The following DNAH5 variants were observed in gnomAD, a reference collection of about 807,000 sequenced individuals.
DNAH5 encodes the protein axonemal beta dynein heavy chain 5.
DNAH5 carries 372 observed loss-of-function variants against 518.2 expected under a neutral mutation model. The observed-to-expected ratio is 0.72, with a 90% CI of 0.66 to 0.78. DNAH5 has a LOEUF of 0.78. Among genes scored for constraint, DNAH5 ranks in the 30% least tolerant of loss-of-function variants. DNAH5 has a pLI of 0.00. For synonymous variants in DNAH5, 2,039 were observed against 2,025.9 expected, an observed-to-expected ratio of 1.01 and a Z score of -0.17; for missense variants, 5,523 against 5,687.0, an observed-to-expected ratio of 0.97 and a Z score of 0.93.
Position 13,811,905 on chromosome 5 carries a change from G to C in DNAH5, c.7231-82C>G, listed in dbSNP as rs758362893. ...TCATTTGGGGACAAAAATTTTAAAA[G>C]TATCTGTTAATAATGATAATATCTA... On this transcript the variant is annotated intron_variant, in intron 43 of 78. Transcript: ENST00000265104. The C allele has an allele frequency of 2.2e-4, 278 of 1,242,762 alleles. 1 individual carries two copies. Among genetic ancestry groups the C allele is most frequent in the South Asian group, 1.0e-3 (81 of 81,150 alleles). 77.0% of individuals were successfully genotyped at this position (1,242,762 alleles called of 1,614,324 possible). A position where few individuals can be genotyped will look rare whatever the true frequency, so the allele number is the denominator to read the frequency against.
Position 13,886,137 on chromosome 5 carries a change from A to AAAC in DNAH5, c.2578-9_2578-8insGTT. 7.6e-6 allele frequency: 1 copy of AAAC among 130,924 alleles called. No individual in the cohort carries two copies. Among genetic ancestry groups the AAAC allele is most frequent in the Admixed American group, 1.5e-4 (1 of 6,466 alleles). 8.1% of individuals were successfully genotyped at this position (130,924 alleles called of 1,614,324 possible). A position where few individuals can be genotyped will look rare whatever the true frequency, so the allele number is the denominator to read the frequency against. On this transcript the variant is annotated splice_polypyrimidine_tract_variant and intron_variant, in intron 17 of 78. Transcript: ENST00000265104. ...ACCATTTACACAAAGATCCTAACCA[A>AAAC]AAAAAAAAAAAAAAAAAGATAGCAC... is the stretch of plus-strand genomic sequence containing the variant.
Position 13,871,718 on chromosome 5 carries a change from C to T in DNAH5, c.3444G>A (p.Trp1148Ter), listed in dbSNP as rs771350745. The change falls in exon 23 of 79, where the codon TGG becomes TGA. Residue 1148 changes from tryptophan to a stop codon, truncating the protein, a stop_gained. Transcript: ENST00000265104. LOFTEE classifies it high-confidence loss of function. ...MDCFKRYNHI[W>*]QKGKEEAIKT... ...TAATGGCTTCTTCTTTTCCCTTTTG[C>T]CAAATGTGATTGTAGCGTTTGAAGC... The T allele has an allele frequency of 1.9e-6, 3 of 1,613,444 alleles. No homozygotes were observed. Among genetic ancestry groups the T allele is most frequent in the Non-Finnish European group, 2.5e-6 (3 of 1,179,744 alleles).
intron 68 of DNAH5, among the ~76,000 whole-genome samples, chr5:13,731,087 T>C (rs1393716305): frequency 6.6e-6 from 1 of 152,202 alleles, no homozygotes; most frequent in Non-Finnish European, 1.5e-5. Context: ...TATAAACAAA[T>C]GACAATACTC....
chr5:13,723,050 C>T (rs1343563100), intron 70 of DNAH5, among the ~76,000 whole-genome samples: 1 of 152,152 alleles, frequency 6.6e-6, no homozygotes, highest in East Asian at 1.9e-4. Context: ...TCTATTAGTT[C>T]AGTGCCTGGG....
intron 22 of DNAH5, 108 bp downstream of exon 22, chr5:13,876,576 A>T: frequency 7.6e-7 from 1 of 1,312,804 alleles, no homozygotes; most frequent in Non-Finnish European, 1.1e-6. Context: ...CCCTGAAAGC[A>T]CAGTGTGTGA....
intron 1 of DNAH5, among the ~76,000 whole-genome samples, chr5:13,943,191 A>G (rs535576460): frequency 1.8e-4 from 28 of 152,366 alleles, no homozygotes; most frequent in African/African-American, 5.8e-4. Context: ...AAATGTTCAG[A>G]CATGTGAAAT....
intron 19 of DNAH5, 102 bp downstream of exon 19, chr5:13,884,887 C>T (rs1318730726): frequency 5.4e-6 from 8 of 1,478,698 alleles, no homozygotes; most frequent in Non-Finnish European, 7.3e-6. Context: ...TTAAATTTAA[C>T]AGGAATGTAC....
rs774003266 is a variant in DNAH5, at chr5:13,863,484, C to CT, written c.4597-738dup. 3.4e-4 allele frequency among the ~76,000 whole-genome samples: 51 copies of CT among 152,114 alleles called. No individual in the cohort carries two copies. The Middle Eastern group carries it at 0.014, about 41-fold the overall frequency. ...TGTTCCCCATCTCTGTGGTCAGCACCTTCATCCACTTAGGTCTCTCAGCAA... is the reference window on the plus strand; with the variant it reads ...TGTTCCCCATCTCTGTGGTCAGCACCTTTCATCCACTTAGGTCTCTCAGCAA... On this transcript the variant is annotated intron_variant, in intron 28 of 78. Coordinates refer to ENST00000265104, the MANE Select transcript of DNAH5 (RefSeq NM_001369.3).
chr5:13,980,474 C>T (rs1469739792), intron 1 of DNAH5, among the ~76,000 whole-genome samples: 3 of 152,140 alleles, frequency 2.0e-5, no homozygotes, highest in African/African-American at 7.2e-5. Context: ...ACTCCTCTCT[C>T]GGTCTTCCCC....
chr5:13,985,170 T>C (rs1782950123), intron 1 of DNAH5, among the ~76,000 whole-genome samples: 1 of 150,224 alleles, frequency 6.7e-6, no homozygotes, highest in Admixed American at 6.7e-5. Flanking sequence ...CAGCAAACTA[T>C]CGCAAGGACA....
chr5:13,705,664 A>C (rs1742689723), intron 76 of DNAH5, among the ~76,000 whole-genome samples: 1 of 152,182 alleles, frequency 6.6e-6, no homozygotes, highest in African/African-American at 2.4e-5. Flanking sequence ...TAACAACGTG[A>C]TCTTATGCGG....
At chr5:13,997,091 C>T (rs1006095794) in intron 1 of DNAH5, among the ~76,000 whole-genome samples, 1 of 152,216 alleles carries the variant, frequency 6.6e-6, no homozygotes, top group Non-Finnish European at 1.5e-5. Flanking sequence ...CCAAGCTTTA[C>T]CACTTTTTCT....
intron 31 of DNAH5, among the ~76,000 whole-genome samples, chr5:13,849,610 T>A (rs1766533850): frequency 6.6e-6 from 1 of 152,196 alleles, no homozygotes; most frequent in Non-Finnish European, 1.5e-5. Context: ...TAAGGTCCAT[T>A]TGTAGTTTTT....
At position 13,737,260 on chromosome 5, in the gene DNAH5, T is replaced by A; in HGVS notation, c.11447A>T (p.Tyr3816Phe). ...TTCATTACCAAACTCACCAGGTCTG[T>A]ATTCCTCCCGGGCTGAGTTAATTTG... ...EVQINSAREE[Y>F]RPVATRGSIL... The change falls in exon 66 of 79, where the codon TAC (tyrosine) becomes TTC (phenylalanine). Residue 3816 changes from tyrosine to phenylalanine, a missense_variant. Physicochemically the swap from Tyr to Phe is conservative, Grantham distance 22. Coordinates refer to ENST00000265104, the MANE Select transcript of DNAH5 (RefSeq NM_001369.3). 1 of 1,614,120 alleles carries A rather than the reference T, an allele frequency of 6.2e-7. No homozygotes were observed. Among genetic ancestry groups the A allele is most frequent in the Non-Finnish European group, 8.5e-7 (1 of 1,179,974 alleles).
chr5:13,742,920 A>G (rs1229950946), intron 65 of DNAH5, among the ~76,000 whole-genome samples: 1 of 150,922 alleles, frequency 6.6e-6, no homozygotes, highest in Non-Finnish European at 1.5e-5. Flanking sequence ...TTTATCTGAG[A>G]AAAAAAAATA....
chr5:13,858,497 C>T (rs899843049), intron 30 of DNAH5, among the ~76,000 whole-genome samples: 2 of 152,172 alleles, frequency 1.3e-5, no homozygotes, highest in African/African-American at 4.8e-5. Flanking sequence ...CAGCAAACCA[C>T]CATGGCACCT....
rs1561407249 is a variant in DNAH5 at position 13,842,437 on chromosome 5, A to AGAGAGAGAGAGAGAGAGAG, written c.5272-534_5272-533insCTCTCTCTCTCTCTCTCTC. ...GAAAAGAAAAGAAAAGAAAGAAAGA[A>AGAGAGAGAGAGAGAGAGAG]AGAAAGAAAGAAAGAAAGAAAGAAA... On this transcript the variant is annotated intron_variant, in intron 32 of 78. Transcript: ENST00000265104. Among the ~76,000 whole-genome samples the AGAGAGAGAGAGAGAGAGAG allele has an allele frequency of 7.3e-3, 669 of 91,356 alleles. 64 individuals are homozygous for AGAGAGAGAGAGAGAGAGAG. Among genetic ancestry groups the AGAGAGAGAGAGAGAGAGAG allele is most frequent in the Admixed American group, 0.011 (98 of 8,970 alleles). The allele number at this position is 91,356 out of a possible 152,430, so 59.9% of individuals were successfully genotyped here.
At chr5:13,776,828 T>C (rs1754162477) in intron 54 of DNAH5, 122 bp from the exon 55 acceptor site, 3 of 1,121,640 alleles carry the variant, frequency 2.7e-6, no homozygotes, top group Non-Finnish European at 3.9e-6. Context: ...TACAGAAAAT[T>C]GAAAGTTTTC....
intron 47 of DNAH5, among the ~76,000 whole-genome samples, chr5:13,794,386 T>C (rs1473966591): frequency 6.6e-6 from 1 of 152,214 alleles, no homozygotes; most frequent in Non-Finnish European, 1.5e-5. Flanking sequence ...ATTCAAAGTC[T>C]TGCTAATAGT....
Sources: allele counts gnomAD v4.1 joint callset (sites outside exome capture counted in the v4.1 genomes callset), GRCh38; gene constraint gnomAD v4.1.1; transcripts MANE v1.5; gene names NCBI Gene and HGNC (gene_info 2026-07-23, HGNC 2026-07-21).